Variants in KLF12 observed in about 807,000 individuals in gnomAD.
KLF12 encodes KLF transcription factor 12, also known as Krueppel-like factor 12.
KLF12 carries 9 observed loss-of-function variants against 37.8 expected under a neutral mutation model. The observed-to-expected ratio is 0.24, with a 90% CI of 0.14 to 0.42. The LOEUF is 0.42. Among genes scored for constraint, KLF12 ranks in the 10% least tolerant of loss-of-function variants. The probability of loss-of-function intolerance (pLI) is 1.00; values close to 1 mark genes in which losing one functional copy is unlikely to be tolerated. For missense variants in KLF12, 411 were observed against 516.0 expected (o/e 0.80, Z 1.97); for synonymous variants, 208 against 202.1 (o/e 1.03, Z -0.25).
intron 6 of KLF12, among the ~76,000 whole-genome samples, chr13:73,750,699 T>C (rs191647064): frequency 1.5e-3 from 233 of 152,310 alleles, no homozygotes; most frequent in African/African-American, 5.4e-3. Flanking sequence ...GGTAAATGTG[T>C]ACCATGGTGA....
intron 3 of KLF12, among the ~76,000 whole-genome samples, chr13:73,879,181 G>A (rs1321155055): frequency 3.9e-5 from 6 of 152,184 alleles, no homozygotes; most frequent in African/African-American, 1.4e-4. Flanking sequence ...ATAACCTGCT[G>A]TTCAGTGAGT....
intron 1 of KLF12, among the ~76,000 whole-genome samples, chr13:74,044,581 T>C (rs1893490850): frequency 6.6e-6 from 1 of 152,096 alleles, no homozygotes; most frequent in Non-Finnish European, 1.5e-5. Context: ...GCATGGTGGC[T>C]CACGTCTGTA....
intron 1 of KLF12, among the ~76,000 whole-genome samples, chr13:74,106,489 C>A (rs1332281534): frequency 1.3e-5 from 2 of 152,136 alleles, no homozygotes; most frequent in African/African-American, 4.8e-5. Context: ...CAACACTATA[C>A]TTCAAGGTAT....
At chr13:74,185,331 G>A in the KLF12 span, among the ~76,000 whole-genome samples, 5 of 152,104 alleles carry the variant, frequency 3.3e-5, no homozygotes, top group Admixed American at 6.5e-5. Context: ...AGAAATCATA[G>A]AGGCCTCTGA....
rs116704723 is a variant in KLF12, at chr13:73,862,429, A to T, written c.124-16056T>A. Among the ~76,000 whole-genome samples the T allele has an allele frequency of 3.5e-3, 535 of 152,306 alleles. 1 individual carries two copies. The highest frequency in any genetic ancestry group is 0.012 in the African/African-American group (509 of 41,580). On this transcript the variant is annotated intron_variant, in intron 3 of 7. Transcript: ENST00000377669. Reference sequence around the variant, plus strand: ...AGGCATTAAGTGACAATGTCAAGATACAATCTTTAGTGATCTCTGGCAATA... The same window carrying T: ...AGGCATTAAGTGACAATGTCAAGATTCAATCTTTAGTGATCTCTGGCAATA...
the KLF12 span, among the ~76,000 whole-genome samples, chr13:74,196,015 A>AAGACAAATT: frequency 2.0e-5 from 3 of 152,224 alleles, no homozygotes; most frequent in South Asian, 6.2e-4. Context: ...AAAAGAAAAT[A>AAGACAAATT]AGACAAATTA....
At chr13:74,273,938 C>T in the KLF12 span, among the ~76,000 whole-genome samples, 1 of 152,118 alleles carries the variant, frequency 6.6e-6, no homozygotes, top group African/African-American at 2.4e-5. Context: ...ACTATGAACC[C>T]ATGCCACACA....
At chr13:74,159,398 T>A in the KLF12 span, among the ~76,000 whole-genome samples, 1 of 152,240 alleles carries the variant, frequency 6.6e-6, no homozygotes, top group South Asian at 2.1e-4. Context: ...CCTATCAGGA[T>A]GACCTGATCT....
rs140628529 is a variant in KLF12, at chr13:73,930,139, A to C, written c.123+13842T>G. Among the ~76,000 whole-genome samples, 231 of 152,360 alleles carry C rather than the reference A, an allele frequency of 1.5e-3. 1 individual carries two copies. Among genetic ancestry groups the C allele is most frequent in the Non-Finnish European group, 2.7e-3 (185 of 68,028 alleles). ...AATAAAGGCCATAGGTCTCTTAACA[A>C]TAGCAAGACATTGTTTAGGGAATAA... is the stretch of plus-strand genomic sequence containing the variant. On this transcript the variant is annotated intron_variant, in intron 3 of 7. Coordinates refer to ENST00000377669, the MANE Select transcript of KLF12 (RefSeq NM_007249.5).
chr13:73,916,478 C>T (rs1433285377), intron 3 of KLF12, among the ~76,000 whole-genome samples: 1 of 152,146 alleles, frequency 6.6e-6, no homozygotes, highest in East Asian at 1.9e-4. Flanking sequence ...TACCCCACAA[C>T]ACCCCAGAAT....
chr13:74,185,756 C>T, the KLF12 span, among the ~76,000 whole-genome samples: 3 of 152,146 alleles, frequency 2.0e-5, no homozygotes, highest in East Asian at 5.8e-4. Context: ...AAGCAATTCT[C>T]CTGCCTCAGC....
chr13:74,127,079 G>A lies in KLF12; in HGVS notation c.-32+6660C>T, dbSNP rs796886533. 1.3e-4 allele frequency among the ~76,000 whole-genome samples: 20 copies of A among 152,250 alleles called. 1 individual carries two copies. Among genetic ancestry groups the A allele is most frequent in the African/African-American group, 3.6e-4 (15 of 41,558 alleles). On this transcript the variant is annotated intron_variant, in intron 1 of 7. Coordinates refer to ENST00000377669, the MANE Select transcript of KLF12 (RefSeq NM_007249.5). ...GCATTGGCTCAATTGATCATAGCTCGTTGTAGCCCTGAACTCTGGGATCAA... is the reference window on the plus strand; with the variant it reads ...GCATTGGCTCAATTGATCATAGCTCATTGTAGCCCTGAACTCTGGGATCAA...
At chr13:73,843,891 A>G (rs922597897) in intron 4 of KLF12, among the ~76,000 whole-genome samples, 5 of 152,202 alleles carry the variant, frequency 3.3e-5, no homozygotes, top group African/African-American at 4.8e-5. Context: ...ATTCATGTAG[A>G]GACCAAATTA....
chr13:73,771,328 A>G (rs1880255248), intron 5 of KLF12, among the ~76,000 whole-genome samples: 1 of 152,230 alleles, frequency 6.6e-6, no homozygotes, highest in Admixed American at 6.5e-5. Context: ...TAGGCACTCA[A>G]TAAATAGCTG....
At chr13:74,265,016 C>T in the KLF12 span, among the ~76,000 whole-genome samples, 1 of 151,908 alleles carries the variant, frequency 6.6e-6, no homozygotes, top group African/African-American at 2.4e-5. Context: ...TACAATAGTA[C>T]CTAGAAAGAA....
the KLF12 span, among the ~76,000 whole-genome samples, chr13:74,261,444 A>G: frequency 1.2e-4 from 19 of 152,334 alleles, no homozygotes; most frequent in South Asian, 4.1e-4. Flanking sequence ...TAGATGGAGT[A>G]TGATAGGAAA....
the KLF12 span, among the ~76,000 whole-genome samples, chr13:74,216,409 C>T: frequency 1.3e-5 from 2 of 151,986 alleles, no homozygotes; most frequent in Admixed American, 1.3e-4. Context: ...TGTACAACAG[C>T]GTAGGTACAA....
chr13:74,091,995 T>A (rs1164514322), intron 1 of KLF12, among the ~76,000 whole-genome samples: 5 of 144,760 alleles, frequency 3.5e-5, no homozygotes, highest in Non-Finnish European at 1.5e-5. Flanking sequence ...AAGCAACCTT[T>A]AAAAAAAAAA....
chr13:74,013,341 C>T (rs1022018746), intron 1 of KLF12, among the ~76,000 whole-genome samples: 3 of 152,178 alleles, frequency 2.0e-5, no homozygotes, highest in Admixed American at 6.5e-5. Flanking sequence ...GGGTTGAGAC[C>T]GAGGTGGCTA....
Sources: allele counts gnomAD v4.1 joint callset (sites outside exome capture counted in the v4.1 genomes callset), GRCh38; gene constraint gnomAD v4.1.1; transcripts MANE v1.5; gene names NCBI Gene and HGNC (gene_info 2026-07-23, HGNC 2026-07-21).